The following DGKZ variants were observed in gnomAD, a reference collection of about 807,000 sequenced individuals.
The protein encoded by DGKZ is diacylglycerol kinase zeta, also known as DAG kinase zeta.
Under a neutral mutation model 142.5 loss-of-function variants are expected in DGKZ, and 45 were observed. The observed-to-expected ratio is 0.32, with a 90% CI of 0.25 to 0.40. The LOEUF (loss-of-function observed/expected upper bound fraction) is 0.40. Among genes scored for constraint, DGKZ ranks in the 10% least tolerant of loss-of-function variants. DGKZ has a pLI of 1.00. For missense variants in DGKZ, 755 were observed against 1,306.5 expected, an observed-to-expected ratio of 0.58 and a Z score of 6.51; for synonymous variants, 442 against 527.0, an observed-to-expected ratio of 0.84 and a Z score of 2.21.
upstream of DGKZ, chr11:46,345,570 A>G (rs111234221): frequency 4.0e-3 from 6,059 of 1,528,328 alleles, 202 homozygotes; most frequent in African/African-American, 0.076. This position sits in a 1 kb window ranked among gnomAD's most constrained non-coding sequence, Gnocchi z 4.1. Context: ...ATCCCATCAG[A>G]GGCACCCCAG....
At chr11:46,373,490 TTTTTTTTG>T (rs1944211101) in intron 14 of DGKZ, among the ~76,000 whole-genome samples, 1 of 149,046 alleles carries the variant, frequency 6.7e-6, no homozygotes, top group Non-Finnish European at 1.5e-5. Context: ...TTTCTTGTTT[TTTTTTTTG>T]TTTTTGTTTT....
chr11:46,360,631 C>G (rs1477906010), intron 1 of DGKZ, among the ~76,000 whole-genome samples: 1 of 151,912 alleles, frequency 6.6e-6, no homozygotes, highest in Non-Finnish European at 1.5e-5. Flanking sequence ...ACTAAAAATA[C>G]AAAAATTAGC....
At chr11:46,364,483 G>T in intron 1 of DGKZ, 1 of 1,250,898 alleles carries the variant, frequency 8.0e-7, no homozygotes, top group Non-Finnish European at 1.0e-6. Flanking sequence ...TGCTTTGAGT[G>T]GGGCACTATT....
rs1398988436 is a variant in DGKZ at position 46,347,886 on chromosome 11, C to G, written c.161+66C>G. 2.4e-6 allele frequency: 3 copies of G among 1,265,794 alleles called. No individual in the cohort carries two copies. The Admixed American group carries it at 1.3e-4, about 54-fold the overall frequency. 78.4% of individuals were successfully genotyped at this position (1,265,794 alleles called of 1,614,324 possible). On this transcript the variant is annotated intron_variant, in intron 1 of 30. Coordinates refer to ENST00000527911, the Ensembl canonical transcript of DGKZ. The surrounding 1 kb of genome is among the most constrained non-coding windows in gnomAD (Gnocchi z 6.4). ...AGGTTACCGCTCCCTCACCGGGGGA[C>G]ATTCCTCGGCCACTGGGGGTCCGGG...
chr11:46,349,830 C>G (rs1941140709), intron 1 of DGKZ, among the ~76,000 whole-genome samples: 3 of 152,202 alleles, frequency 2.0e-5, no homozygotes, highest in Non-Finnish European at 2.9e-5. Flanking sequence ...ATCCCTTTCT[C>G]TATACCAGGA....
exon 1 of DGKZ, chr11:46,333,219 G>T: frequency 8.1e-7 from 1 of 1,232,262 alleles, no homozygotes; most frequent in South Asian, 3.4e-5. Context: ...CTGGAGACTC[G>T]AACTTGAGCG....
intron 26 of DGKZ, 102 bp downstream of exon 26, chr11:46,378,331 C>G (rs928807747): frequency 1.5e-5 from 23 of 1,539,344 alleles, no homozygotes; most frequent in African/African-American, 2.7e-5. Context: ...ACAAACACAG[C>G]CTTTGAGCTT....
upstream of DGKZ, chr11:46,345,385 A>G: frequency 7.1e-7 from 1 of 1,411,814 alleles, no homozygotes; most frequent in East Asian, 3.0e-5. This position sits in a 1 kb window ranked among gnomAD's most constrained non-coding sequence, Gnocchi z 4.1. Context: ...GAAGTGCCGA[A>G]AGAGGAAGAG....
At chr11:46,365,217 C>A in intron 1 of DGKZ, 1 of 985,404 alleles carries the variant, frequency 1.0e-6, no homozygotes, top group Non-Finnish European at 1.2e-6. Flanking sequence ...GAGCTCTGGG[C>A]TGTGCAGCGT....
chr11:46,347,270 T>G (rs1167767200), upstream of DGKZ: 1 of 976,304 alleles, frequency 1.0e-6, no homozygotes, highest in Non-Finnish European at 1.2e-6. This position sits in a 1 kb window ranked among gnomAD's most constrained non-coding sequence, Gnocchi z 6.4. Flanking sequence ...CGGGCCGGGC[T>G]GGGGGCAGGG....
chr11:46,376,480 T>G, intron 23 of DGKZ, 44 bp from the exon 24 acceptor site: 13 of 1,613,886 alleles, frequency 8.1e-6, no homozygotes, highest in Non-Finnish European at 1.1e-5. Flanking sequence ...GACCTGGGCC[T>G]GGACATGGCA....
At position 46,367,191 on chromosome 11, in the gene DGKZ, C is replaced by G. The variant is rs1046748367; in HGVS notation, c.162-100C>G. The G allele has an allele frequency of 2.3e-6, 3 of 1,315,164 alleles. No individual in the cohort carries two copies. The highest frequency in any genetic ancestry group is 2.0e-5 in the Admixed American group (1 of 50,746). 81.5% of individuals were successfully genotyped at this position (1,315,164 alleles called of 1,614,324 possible). A position where few individuals can be genotyped will look rare whatever the true frequency, so the allele number is the denominator to read the frequency against. On this transcript the variant is annotated intron_variant, in intron 1 of 30. Coordinates refer to ENST00000527911, the Ensembl canonical transcript of DGKZ. The surrounding 1 kb of genome is among the most constrained non-coding windows in gnomAD (Gnocchi z 4.1). ...CTGCTGGGAGGCTCCTCCGCCCTCCCTGTTGCCGAGGTCACGGAAAGGGCA... is the reference window on the plus strand; with the variant it reads ...CTGCTGGGAGGCTCCTCCGCCCTCCGTGTTGCCGAGGTCACGGAAAGGGCA...
chr11:46,332,969 C>T (rs1206817461), exon 1 of DGKZ: 1 of 278,354 alleles, frequency 3.6e-6, no homozygotes. Flanking sequence ...AGCTCGCTCT[C>T]CGCCCGGGCT....
intron 1 of DGKZ, chr11:46,365,419 C>T: frequency 1.0e-6 from 1 of 985,408 alleles, no homozygotes; most frequent in Non-Finnish European, 1.2e-6. Context: ...ATCAGCACTT[C>T]AGACATACAG....
chr11:46,334,374 G>A (rs1214912816), intron 1 of DGKZ, among the ~76,000 whole-genome samples: 3 of 152,200 alleles, frequency 2.0e-5, no homozygotes, highest in African/African-American at 4.8e-5. Context: ...GGGCAGCTGC[G>A]GTCCTTACAG....
At chr11:46,352,524 C>T (rs191041342) in intron 1 of DGKZ, among the ~76,000 whole-genome samples, 342 of 152,322 alleles carry the variant, frequency 2.2e-3, no homozygotes, top group African/African-American at 7.9e-3. Flanking sequence ...GCCAGGTGGC[C>T]TTGACTCAGC....
chr11:46,367,825 C>T lies in DGKZ; in HGVS notation c.366+78C>T. 1.9e-6 allele frequency: 3 copies of T among 1,579,898 alleles called. No individual in the cohort carries two copies. Among genetic ancestry groups the T allele is most frequent in the South Asian group, 1.1e-5 (1 of 89,976 alleles). On this transcript the variant is annotated intron_variant, in intron 3 of 30. Coordinates refer to ENST00000527911, the Ensembl canonical transcript of DGKZ. This position sits in a 1 kb window ranked among gnomAD's most constrained non-coding sequence, Gnocchi z 4.1. ...GCCCTTCCGGGAACGTGGGATTGAG[C>T]CCGCTCCCTGGCACCCCTGCTGTGG... is the stretch of plus-strand genomic sequence containing the variant.
rs568931168 is a variant in DGKZ, at chr11:46,366,571, T to C, written c.162-720T>C. On this transcript the variant is annotated intron_variant, in intron 1 of 30. Coordinates refer to ENST00000527911, the Ensembl canonical transcript of DGKZ. ...CCACCGTGGGGGCCCAGCTTCTGGGTGCACCCCTGCTGTTGACCGGGCTTG... is the reference window on the plus strand; with the variant it reads ...CCACCGTGGGGGCCCAGCTTCTGGGCGCACCCCTGCTGTTGACCGGGCTTG... 1.2e-4 allele frequency: 185 copies of C among 1,605,456 alleles called. 7 individuals are homozygous for C. In the South Asian group the frequency reaches 1.9e-3, roughly 16 times the overall value.
intron 1 of DGKZ, among the ~76,000 whole-genome samples, chr11:46,339,467 C>T (rs1327741136): frequency 6.6e-6 from 1 of 152,240 alleles, no homozygotes. Flanking sequence ...CTCCTTCCCT[C>T]CCCTCAGGGA....
Sources: allele counts gnomAD v4.1 joint callset (sites outside exome capture counted in the v4.1 genomes callset), GRCh38; gene constraint gnomAD v4.1.1; non-coding constraint Gnocchi (gnomAD v3.1); transcripts MANE v1.5; gene names NCBI Gene and HGNC (gene_info 2026-07-23, HGNC 2026-07-21).